CRIM1: variants seen among roughly 807,000 people sequenced by gnomAD.
The protein encoded by CRIM1 is cysteine rich transmembrane BMP regulator 1.
CRIM1 carries 32 observed loss-of-function variants against 116.4 expected under a neutral mutation model. The ratio of observed to expected loss-of-function variants is 0.27; its 90% CI spans 0.21 to 0.37. The LOEUF is 0.37. Ranked by LOEUF, CRIM1 falls within the 10% of genes least tolerant of loss-of-function variation. The pLI, the probability that CRIM1 is intolerant of heterozygous loss-of-function variation, is 1.00. For missense variants in CRIM1, 1,331 were observed against 1,354.8 expected (o/e 0.98, Z 0.28); for synonymous variants, 590 against 509.2 (o/e 1.16, Z -2.13).
intron 1 of CRIM1, 123 bp from the exon 2 acceptor site, chr2:36,396,491 C>T: frequency 1.7e-6 from 1 of 590,116 alleles, no homozygotes; most frequent in Non-Finnish European, 2.9e-6. Flanking sequence ...GCCAGACTGC[C>T]TTTCACAAAT....
At chr2:36,525,329 G>A (rs538256008) in intron 13 of CRIM1, among the ~76,000 whole-genome samples, 8 of 152,282 alleles carry the variant, frequency 5.3e-5, no homozygotes, top group Admixed American at 1.3e-4. Flanking sequence ...TTTCCTGTCT[G>A]ACTCTCCGGT....
intron 4 of CRIM1, among the ~76,000 whole-genome samples, chr2:36,463,067 C>T (rs765502770): frequency 2.0e-5 from 3 of 152,178 alleles, no homozygotes; most frequent in East Asian, 3.8e-4. Context: ...AATGACCTAA[C>T]ACCCTCTTCT....
intron 9 of CRIM1, among the ~76,000 whole-genome samples, chr2:36,510,619 C>T (rs1664600824): frequency 6.6e-6 from 1 of 152,132 alleles, no homozygotes; most frequent in Non-Finnish European, 1.5e-5. Context: ...GTCAGCGTTT[C>T]GTATTTTTTT....
chr2:36,394,151 A>G lies in CRIM1; in HGVS notation c.332-2463A>G, dbSNP rs181305691. Among the ~76,000 whole-genome samples, 217 of 152,306 alleles carry G rather than the reference A, an allele frequency of 1.4e-3. 2 individuals carry two copies. The highest frequency in any genetic ancestry group is 1.8e-3 in the Non-Finnish European group (125 of 68,022). On this transcript the variant is annotated intron_variant, in intron 1 of 16. Coordinates refer to ENST00000280527, the MANE Select transcript of CRIM1 (RefSeq NM_016441.3). Reference sequence around the variant, plus strand: ...ATTCTGCAATAGGATCAACTCAATAACTGCACATATTTATAAGAACAGTAA... The same window carrying G: ...ATTCTGCAATAGGATCAACTCAATAGCTGCACATATTTATAAGAACAGTAA...
Position 36,517,342 on chromosome 2 carries a change from A to G in CRIM1, c.2006A>G (p.Gln669Arg), listed in dbSNP as rs1222778198. 6 of 1,614,056 alleles carry G rather than the reference A, an allele frequency of 3.7e-6. No individual in the cohort carries two copies. The highest frequency in any genetic ancestry group is 5.1e-6 in the Non-Finnish European group (6 of 1,179,988). ...CPSCADDFVVQKPELSTPSIC... is the reference protein window; with the variant it reads ...CPSCADDFVVRKPELSTPSIC... ...CATTTCCCAGATGACTTTGTGGTGC[A>G]GAAGCCAGAGCTCAGTACTCCCTCC... Residue 669 changes from glutamine (Q) to arginine (R), a missense_variant, in exon 12 of 17, where the codon CAG (glutamine) becomes CGG (arginine). Gln to Arg is a conservative substitution (Grantham distance 43). Around this residue, in one of 3 missense-constraint regions of CRIM1, gnomAD observed 358 missense variants for 436.1 expected, o/e 0.82. Coordinates refer to ENST00000280527, the MANE Select transcript of CRIM1 (RefSeq NM_016441.3).
At chr2:36,449,458 C>T (rs980974836) in intron 4 of CRIM1, among the ~76,000 whole-genome samples, 3 of 152,160 alleles carry the variant, frequency 2.0e-5, no homozygotes, top group African/African-American at 7.2e-5. Flanking sequence ...TGTGAGTAAA[C>T]CATTCCGTAG....
intron 14 of CRIM1, among the ~76,000 whole-genome samples, chr2:36,542,278 G>C (rs143664195): frequency 2.4e-4 from 37 of 152,332 alleles, no homozygotes; most frequent in Non-Finnish European, 3.1e-4. Flanking sequence ...TGTAGGAAGT[G>C]CTCAGGAAAT....
intron 14 of CRIM1, among the ~76,000 whole-genome samples, chr2:36,541,772 C>A (rs1666959906): frequency 6.6e-6 from 1 of 152,182 alleles, no homozygotes; most frequent in South Asian, 2.1e-4. Context: ...TTGTGTAAAT[C>A]TCCCTGGCAC....
intron 2 of CRIM1, among the ~76,000 whole-genome samples, chr2:36,421,086 C>T (rs535739598): frequency 6.6e-5 from 10 of 152,274 alleles, no homozygotes; most frequent in African/African-American, 2.4e-4. Context: ...TCTTTTGATC[C>T]TTGGTCCCGC....
intron 15 of CRIM1, among the ~76,000 whole-genome samples, chr2:36,545,650 G>GCTAA (rs1237561078): frequency 6.6e-6 from 1 of 152,158 alleles, no homozygotes; most frequent in Non-Finnish European, 1.5e-5. Context: ...AAAGCTCAAA[G>GCTAA]CTAACTTTGA....
At chr2:36,510,737 CA>C (rs1337468442) in intron 9 of CRIM1, among the ~76,000 whole-genome samples, 26 of 151,966 alleles carry the variant, frequency 1.7e-4, no homozygotes, top group African/African-American at 2.9e-4. Flanking sequence ...TAGATTATTC[CA>C]GGGGGGGAAA....
intron 1 of CRIM1, among the ~76,000 whole-genome samples, chr2:36,358,558 G>T (rs1267250206): frequency 6.6e-6 from 1 of 152,122 alleles, no homozygotes; most frequent in Non-Finnish European, 1.5e-5. Context: ...GAGTTATTTT[G>T]GCAGTTTCGT....
intron 4 of CRIM1, among the ~76,000 whole-genome samples, chr2:36,447,853 T>C (rs848513): frequency 0.78 from 118,101 of 152,158 alleles, 46,555 homozygotes; most frequent in East Asian, 0.98. Flanking sequence ...AGAAACGTGA[T>C]TCTTTTCCAA....
intron 1 of CRIM1, among the ~76,000 whole-genome samples, chr2:36,393,242 G>A (rs578123500): frequency 6.6e-6 from 1 of 152,136 alleles, no homozygotes; most frequent in East Asian, 1.9e-4. Context: ...AATGTGCCCA[G>A]TATTCCAAGC....
intron 4 of CRIM1, among the ~76,000 whole-genome samples, chr2:36,463,977 TTAAA>T: frequency 6.6e-6 from 1 of 152,282 alleles, no homozygotes; most frequent in Middle Eastern, 3.4e-3. Context: ...CAGTCATAAA[TTAAA>T]TATTGCTCAA....
chr2:36,402,946 G>T (rs1228411228), intron 2 of CRIM1, among the ~76,000 whole-genome samples: 1 of 152,088 alleles, frequency 6.6e-6, no homozygotes, highest in East Asian at 1.9e-4. Flanking sequence ...ATGTAATTCA[G>T]TAACTCATTA....
intron 2 of CRIM1, among the ~76,000 whole-genome samples, chr2:36,404,457 C>T (rs1672639409): frequency 6.6e-6 from 1 of 152,140 alleles, no homozygotes; most frequent in Non-Finnish European, 1.5e-5. Flanking sequence ...AGAAGGTACT[C>T]AGCATTCTCT....
chr2:36,510,718 A>G (rs1181732671), intron 9 of CRIM1, among the ~76,000 whole-genome samples: 1 of 152,064 alleles, frequency 6.6e-6, no homozygotes, highest in Non-Finnish European at 1.5e-5. Context: ...GTCAAACCCC[A>G]TGAGAATCTA....
At chr2:36,372,641 C>T (rs940076350) in intron 1 of CRIM1, among the ~76,000 whole-genome samples, 8 of 152,136 alleles carry the variant, frequency 5.3e-5, no homozygotes, top group African/African-American at 1.4e-4. Context: ...AGTCAATGTG[C>T]CCATTTTCTT....
Sources: gnomAD v4.1 joint callset for allele counts (sites outside exome capture counted in the v4.1 genomes callset) on GRCh38, gnomAD v4.1.1 for gene constraint, gnomAD v4.1.1 regional missense constraint, MANE v1.5 for transcripts, NCBI Gene and HGNC (gene_info 2026-07-23, HGNC 2026-07-21) for gene names.